The following EPB41L3 variants were observed in gnomAD, a reference collection of about 807,000 sequenced individuals.
EPB41L3 encodes band 4.1-like protein 3.
EPB41L3 carries 57 observed loss-of-function variants against 127.1 expected under a neutral mutation model. That is an observed-to-expected ratio of 0.45 (90% CI 0.36 to 0.56). EPB41L3 has a LOEUF of 0.56. Among genes scored for constraint, EPB41L3 ranks in the 20% least tolerant of loss-of-function variants. The pLI, the probability that EPB41L3 is intolerant of heterozygous loss-of-function variation, is 0.00. For synonymous variants in EPB41L3, 572 were observed against 549.5 expected, an observed-to-expected ratio of 1.04 and a Z score of -0.57; for missense variants, 1,273 against 1,372.2, an observed-to-expected ratio of 0.93 and a Z score of 1.14.
At chr18:5,596,901 C>G (rs1259280532) in intron 3 of EPB41L3, among the ~76,000 whole-genome samples, 1 of 152,000 alleles carries the variant, frequency 6.6e-6, no homozygotes, top group Non-Finnish European at 1.5e-5. Flanking sequence ...TATTTTCCAG[C>G]ATTTTGAAAT....
chr18:5,527,316 C>G (rs1338118221), intron 1 of EPB41L3, among the ~76,000 whole-genome samples: 1 of 152,178 alleles, frequency 6.6e-6, no homozygotes, highest in Non-Finnish European at 1.5e-5. Context: ...CTCTTCTCAT[C>G]ACGGAGTCTC....
At chr18:5,470,859 C>A (rs1409985730) in intron 3 of EPB41L3, among the ~76,000 whole-genome samples, 1 of 152,154 alleles carries the variant, frequency 6.6e-6, no homozygotes, top group Admixed American at 6.5e-5. Context: ...ACCAGATAAA[C>A]CTGTGCAGAT....
intron 3 of EPB41L3, among the ~76,000 whole-genome samples, chr18:5,571,434 T>A (rs79800292): frequency 1.5e-3 from 235 of 152,340 alleles, no homozygotes; most frequent in African/African-American, 5.5e-3. Flanking sequence ...CCTAAGGATT[T>A]GTTGCTCATA....
chr18:5,608,356 A>T (rs1317308781), intron 3 of EPB41L3, among the ~76,000 whole-genome samples: 1 of 152,192 alleles, frequency 6.6e-6, no homozygotes, highest in African/African-American at 2.4e-5. Flanking sequence ...GCAAAAAAAC[A>T]AATAAGAAAA....
intron 4 of EPB41L3, among the ~76,000 whole-genome samples, chr18:5,444,772 A>C (rs1231025371): frequency 6.6e-6 from 1 of 152,218 alleles, no homozygotes; most frequent in Non-Finnish European, 1.5e-5. Flanking sequence ...TTGGGATATG[A>C]GCATGATTTT....
chr18:5,485,058 C>T (rs1443010510), intron 2 of EPB41L3, among the ~76,000 whole-genome samples: 2 of 151,994 alleles, frequency 1.3e-5, no homozygotes, highest in African/African-American at 4.8e-5. Context: ...AGGCCAATAT[C>T]ACTGATGAAC....
chr18:5,566,723 C>CATTCTATTGTATTCTATTCT (rs2094203858), intron 3 of EPB41L3, among the ~76,000 whole-genome samples: 2 of 112,330 alleles, frequency 1.8e-5, no homozygotes, highest in East Asian at 5.6e-4. Flanking sequence ...TTTTCTATTC[C>CATTCTATTGTATTCTATTCT]ATTCTATTCT....
At chr18:5,578,105 G>T (rs562002943) in intron 3 of EPB41L3, among the ~76,000 whole-genome samples, 29 of 151,222 alleles carry the variant, frequency 1.9e-4, no homozygotes, top group Admixed American at 3.3e-4. Context: ...TCCAGGGTTG[G>T]GGGGGTGGCG....
chr18:5,534,226 T>C (rs1026172632), intron 1 of EPB41L3, among the ~76,000 whole-genome samples: 1 of 152,228 alleles, frequency 6.6e-6, no homozygotes, highest in Non-Finnish European at 1.5e-5. Context: ...CCAGGTTTCT[T>C]TGCTCTATGC....
At chr18:5,535,005 G>C (rs566994035) in intron 1 of EPB41L3, among the ~76,000 whole-genome samples, 1 of 152,042 alleles carries the variant, frequency 6.6e-6, no homozygotes. Flanking sequence ...GGTGGTGAGC[G>C]GTGGGTGAGT....
At chr18:5,546,880 T>C (rs1164567734), upstream of EPB41L3, among the ~76,000 whole-genome samples, 2 of 152,186 alleles carry the variant, frequency 1.3e-5, no homozygotes. Flanking sequence ...CTGGGCACAT[T>C]GCAAGCCAAG....
At chr18:5,592,627 G>A (rs892666087) in intron 3 of EPB41L3, among the ~76,000 whole-genome samples, 4 of 152,222 alleles carry the variant, frequency 2.6e-5, no homozygotes, top group African/African-American at 9.6e-5. Flanking sequence ...CTTACACCAT[G>A]TGAGCAGCAA....
At chr18:5,482,691 G>C (rs1347923211) in intron 2 of EPB41L3, among the ~76,000 whole-genome samples, 2 of 152,146 alleles carry the variant, frequency 1.3e-5, no homozygotes, top group Admixed American at 1.3e-4. Flanking sequence ...GGCCAGGAAA[G>C]AGTGGACTGA....
At chr18:5,547,970 T>G (rs1301802692), upstream of EPB41L3, among the ~76,000 whole-genome samples, 2 of 152,216 alleles carry the variant, frequency 1.3e-5, no homozygotes, top group Non-Finnish European at 2.9e-5. Context: ...GAAGAAATAT[T>G]GACGCTTGAG....
chr18:5,599,713 T>C (rs534505618), intron 3 of EPB41L3, among the ~76,000 whole-genome samples: 72 of 152,246 alleles, frequency 4.7e-4, no homozygotes, highest in Non-Finnish European at 8.8e-4. Flanking sequence ...CCTTCCGCCA[T>C]GGTTGTAAGT....
At chr18:5,608,316 A>G (rs946197887) in intron 3 of EPB41L3, among the ~76,000 whole-genome samples, 2 of 152,136 alleles carry the variant, frequency 1.3e-5, no homozygotes, top group South Asian at 2.1e-4. Flanking sequence ...ACCAGTAGGC[A>G]TTATGCCATA....
chr18:5,432,698 T>C (rs919981306), intron 8 of EPB41L3, among the ~76,000 whole-genome samples: 1 of 152,168 alleles, frequency 6.6e-6, no homozygotes, highest in African/African-American at 2.4e-5. Flanking sequence ...GAGTCAAAGC[T>C]GCTCTGTGTA....
At chr18:5,607,528 G>A (rs2094673964) in intron 3 of EPB41L3, among the ~76,000 whole-genome samples, 1 of 152,088 alleles carries the variant, frequency 6.6e-6, no homozygotes, top group Non-Finnish European at 1.5e-5. Context: ...TATTAGAGAA[G>A]GACTCACAAT....
intron 3 of EPB41L3, among the ~76,000 whole-genome samples, chr18:5,605,395 A>AT (rs1016215371): frequency 1.3e-5 from 2 of 151,222 alleles, no homozygotes; most frequent in African/African-American, 2.4e-5. Flanking sequence ...ATTTTTCTTT[A>AT]TTTTTTTTAG....
Sources: allele counts gnomAD v4.1 joint callset (sites outside exome capture counted in the v4.1 genomes callset), GRCh38; gene constraint gnomAD v4.1.1; transcripts MANE v1.5; gene names NCBI Gene and HGNC (gene_info 2026-07-23, HGNC 2026-07-21).